Variants in ARID4B observed in about 807,000 individuals in gnomAD.
The protein encoded by ARID4B is AT-rich interactive domain-containing protein 4B.
ARID4B carries 26 observed loss-of-function variants against 147.5 expected under a neutral mutation model. The observed-to-expected ratio is 0.18, with a 90% CI of 0.13 to 0.24. The LOEUF (loss-of-function observed/expected upper bound fraction) is 0.24, where lower values mean the gene tolerates loss of function less well. Ranked by LOEUF, ARID4B falls within the 10% of genes least tolerant of loss-of-function variation. The pLI, the probability that ARID4B is intolerant of heterozygous loss-of-function variation, is 1.00. For synonymous variants in ARID4B, 512 were observed against 507.9 expected, an observed-to-expected ratio of 1.01 and a Z score of -0.11; for missense variants, 1,179 against 1,511.5, an observed-to-expected ratio of 0.78 and a Z score of 3.65.
At chr1:235,306,511 A>C (rs1673575865) in intron 2 of ARID4B, among the ~76,000 whole-genome samples, 1 of 151,908 alleles carries the variant, frequency 6.6e-6, no homozygotes. Context: ...TCAAAAAAAA[A>C]AAAAATTGGA....
Position 235,181,954 on chromosome 1 carries a change from G to A in ARID4B, c.2965C>T (p.Pro989Ser), listed in dbSNP as rs1390214954. ...SPSVELEKPP[P>S]VNVDSKPIEE... ...ATGGGTTTACTATCGACATTGACTG[G>A]AGGTGGTTTTTCTAGTTCTACACTG... is the stretch of plus-strand genomic sequence containing the variant. Residue 989 changes from proline (P) to serine (S), a missense_variant, in exon 20 of 24, where the codon CCA (proline) becomes TCA (serine). By Grantham distance (74) the Pro-to-Ser change is moderately conservative. Around this residue, in one of 10 missense-constraint regions of ARID4B, gnomAD observed 357 missense variants for 427.3 expected, o/e 0.84. Transcript: ENST00000264183. The A allele has an allele frequency of 6.2e-7, 1 of 1,613,840 alleles. No individual in the cohort carries two copies. The highest frequency in any genetic ancestry group is 8.5e-7 in the Non-Finnish European group (1 of 1,180,006).
At chr1:235,300,741 C>T (rs988424104) in intron 2 of ARID4B, among the ~76,000 whole-genome samples, 1 of 151,970 alleles carries the variant, frequency 6.6e-6, no homozygotes, top group Non-Finnish European at 1.5e-5. Flanking sequence ...GACAGAGTCT[C>T]GCTCTGTAGC....
rs563427664 is a variant in ARID4B, at chr1:235,262,961, A to T, written c.7-2209T>A. Among the ~76,000 whole-genome samples the T allele has an allele frequency of 4.6e-5, 7 of 152,252 alleles. No individual in the cohort carries two copies. In the South Asian group the frequency reaches 1.2e-3, roughly 27 times the overall value. On this transcript the variant is annotated intron_variant, in intron 2 of 23. Transcript: ENST00000264183. The stretch of plus-strand genomic sequence containing the variant: ...TATTCAAGCTTTACTCATCAATTAA[A>T]TTTTTTTTAAATGTTTTATAGAGAG...
intron 20 of ARID4B, among the ~76,000 whole-genome samples, chr1:235,179,373 A>G (rs760849522): frequency 7.9e-5 from 12 of 151,790 alleles, no homozygotes; most frequent in Non-Finnish European, 1.3e-4. Context: ...CATCTCTACT[A>G]AACAAAATAC....
At chr1:235,250,014 G>T (rs997649695) in intron 6 of ARID4B, among the ~76,000 whole-genome samples, 1 of 151,790 alleles carries the variant, frequency 6.6e-6, no homozygotes, top group African/African-American at 2.4e-5. Flanking sequence ...GGCTGAGGCA[G>T]CAGAATGGCG....
At chr1:235,327,036 G>A (rs962852083) in intron 1 of ARID4B, 68 bp from the exon 2 acceptor site, 18 of 1,135,926 alleles carry the variant, frequency 1.6e-5, no homozygotes, top group African/African-American at 6.3e-5. Flanking sequence ...GAGGCGGAGG[G>A]AAAGAAGCGA....
intron 17 of ARID4B, among the ~76,000 whole-genome samples, chr1:235,204,561 G>A (rs1042679213): frequency 2.2e-4 from 34 of 152,112 alleles, no homozygotes; most frequent in Middle Eastern, 3.2e-3. Flanking sequence ...GCAATGTAAC[G>A]CTATAAAATG....
At chr1:235,178,491 G>A (rs1013555987) in intron 20 of ARID4B, among the ~76,000 whole-genome samples, 8 of 151,924 alleles carry the variant, frequency 5.3e-5, no homozygotes, top group Admixed American at 3.3e-4. Flanking sequence ...TCTAAAAAAC[G>A]TCTCATCTTC....
intron 17 of ARID4B, among the ~76,000 whole-genome samples, chr1:235,197,764 TG>T (rs1243696623): frequency 6.6e-6 from 1 of 152,216 alleles, no homozygotes; most frequent in Admixed American, 6.5e-5. Context: ...TAAGTACTGG[TG>T]TAAGTACAAA....
chr1:235,191,065 C>A (rs1049135198), intron 19 of ARID4B, among the ~76,000 whole-genome samples: 1 of 152,100 alleles, frequency 6.6e-6, no homozygotes, highest in African/African-American at 2.4e-5. Flanking sequence ...CCTTCCATGT[C>A]TTATGTGCCA....
At chr1:235,211,196 T>C (rs1666696614) in intron 17 of ARID4B, among the ~76,000 whole-genome samples, 2 of 152,026 alleles carry the variant, frequency 1.3e-5, no homozygotes, top group Non-Finnish European at 2.9e-5. Context: ...TAGCTGGGCG[T>C]GGTGGTGCGT....
At chr1:235,233,193 A>G (rs1668350242) in intron 9 of ARID4B, among the ~76,000 whole-genome samples, 1 of 152,114 alleles carries the variant, frequency 6.6e-6, no homozygotes, top group Non-Finnish European at 1.5e-5. Flanking sequence ...CACGCCTGTA[A>G]TCTCAGCATT....
intron 19 of ARID4B, chr1:235,187,144 T>G (rs1174851768): frequency 3.1e-6 from 1 of 325,616 alleles, no homozygotes; most frequent in African/African-American, 2.4e-5. Context: ...CGCAATGGCG[T>G]GATCTCAGCT....
At chr1:235,257,016 A>T in intron 4 of ARID4B, 144 bp downstream of exon 4, 1 of 643,726 alleles carries the variant, frequency 1.6e-6, no homozygotes, top group Non-Finnish European at 2.7e-6. Context: ...ACTGAGATTA[A>T]GTCTATTTTT....
chr1:235,236,836 ATAT>A (rs1668609034), intron 8 of ARID4B, among the ~76,000 whole-genome samples: 5 of 24,792 alleles, frequency 2.0e-4, no homozygotes, highest in East Asian at 4.0e-3. Context: ...TATAAAAAAT[ATAT>A]ATATATATAT....
chr1:235,221,223 A>C (rs540880524), intron 14 of ARID4B, among the ~76,000 whole-genome samples: 72 of 152,356 alleles, frequency 4.7e-4, no homozygotes, highest in African/African-American at 1.7e-3. Context: ...CAAATGAAGA[A>C]ACTGAGGCTT....
At chr1:235,223,687 T>TTTTG (rs1215673391) in intron 12 of ARID4B, among the ~76,000 whole-genome samples, 4 of 145,972 alleles carry the variant, frequency 2.7e-5, no homozygotes, top group African/African-American at 1.0e-4. Flanking sequence ...AAAGCTACAT[T>TTTTG]TTTTTTTTTT....
At chr1:235,322,795 G>A (rs1242865169) in intron 2 of ARID4B, among the ~76,000 whole-genome samples, 1 of 151,874 alleles carries the variant, frequency 6.6e-6, no homozygotes, top group African/African-American at 2.4e-5. Context: ...AAAGGGGTGA[G>A]ACAGAAGGAA....
At chr1:235,188,286 G>A (rs569040864) in intron 19 of ARID4B, among the ~76,000 whole-genome samples, 55 of 152,152 alleles carry the variant, frequency 3.6e-4, no homozygotes, top group Non-Finnish European at 5.9e-4. Context: ...AATGAATGAC[G>A]GGCACCAAAG....
Sources: gnomAD v4.1 joint callset for allele counts (sites outside exome capture counted in the v4.1 genomes callset) on GRCh38, gnomAD v4.1.1 for gene constraint, gnomAD v4.1.1 regional missense constraint, MANE v1.5 for transcripts, NCBI Gene and HGNC (gene_info 2026-07-23, HGNC 2026-07-21) for gene names.